CKAP5: variants seen among roughly 807,000 people sequenced by gnomAD.
CKAP5 encodes the protein cytoskeleton associated protein 5.
A neutral mutation model predicts 232.8 loss-of-function variants in CKAP5; 27 were observed. The ratio of observed to expected loss-of-function variants is 0.12; its 90% confidence interval spans 0.09 to 0.16. The LOEUF (loss-of-function observed/expected upper bound fraction) is 0.16. Among genes scored for constraint, CKAP5 ranks in the 10% least tolerant of loss-of-function variants. CKAP5 has a pLI of 1.00. For missense variants in CKAP5, 1,838 were observed against 2,424.7 expected, an observed-to-expected ratio of 0.76 and a Z score of 5.08; for synonymous variants, 785 against 841.1, an observed-to-expected ratio of 0.93 and a Z score of 1.16.
Position 46,757,887 on chromosome 11 carries a change from A to ATT in CKAP5, c.4689+1034_4689+1035dup, listed in dbSNP as rs947880979. Among the ~76,000 whole-genome samples, 100 of 108,152 alleles carry ATT rather than the reference A, an allele frequency of 9.2e-4. 2 individuals carry two copies. Among genetic ancestry groups the ATT allele is most frequent in the East Asian group, 8.7e-3 (35 of 4,006 alleles). 71.0% of individuals were successfully genotyped at this position (108,152 alleles called of 152,430 possible). On this transcript the variant is annotated intron_variant, in intron 35 of 43. Coordinates refer to ENST00000529230, the MANE Select transcript of CKAP5 (RefSeq NM_001008938.4). ...AGGTGTGAGCCACCACACCTGGCCT[A>ATT]TTTTTTTTTTTTTTTTTTGAGACAT... is the stretch of plus-strand genomic sequence containing the variant.
chr11:46,842,819 T>G (rs1448379665), intron 1 of CKAP5, among the ~76,000 whole-genome samples: 2 of 151,248 alleles, frequency 1.3e-5, no homozygotes, highest in African/African-American at 4.9e-5. Flanking sequence ...TACAGAAAAT[T>G]AGCCGGGCTT....
Position 46,753,410 on chromosome 11 carries a change from A to C in CKAP5, c.4957T>G (p.Ser1653Ala). The change falls in exon 37 of 44, where the codon TCT (serine) becomes GCT (alanine). Residue 1653 changes from serine (S) to alanine (A), a missense_variant. By Grantham distance (99) the Ser-to-Ala change is moderately conservative. Around this residue, in one of 6 missense-constraint regions of CKAP5, gnomAD observed 579 missense variants for 843.2 expected, o/e 0.69. Coordinates refer to ENST00000529230, the MANE Select transcript of CKAP5 (RefSeq NM_001008938.4). ...CCTTCCTCAAGATCTTCAATCCGAG[A>C]ATCCAGCATTAAGGTGATGAGGCCA... ...MHGLITLMLDSRIEDLEEGQQ... is the reference protein window; with the variant it reads ...MHGLITLMLDARIEDLEEGQQ... The C allele has an allele frequency of 6.2e-7, 1 of 1,613,986 alleles. No homozygotes were observed. Among genetic ancestry groups the C allele is most frequent in the Non-Finnish European group, 8.5e-7 (1 of 1,179,980 alleles).
At chr11:46,793,194 T>C (rs750560492) in intron 13 of CKAP5, among the ~76,000 whole-genome samples, 1 of 152,214 alleles carries the variant, frequency 6.6e-6, no homozygotes, top group Non-Finnish European at 1.5e-5. Flanking sequence ...TTTCATTTTT[T>C]GGAAAAACAA....
chr11:46,828,007 G>A (rs1200576928), intron 1 of CKAP5, among the ~76,000 whole-genome samples: 2 of 152,130 alleles, frequency 1.3e-5, no homozygotes, highest in Admixed American at 1.3e-4. Context: ...TAATTTAGAT[G>A]AATCAACACA....
At chr11:46,843,268 C>T (rs1185607811) in intron 1 of CKAP5, among the ~76,000 whole-genome samples, 1 of 152,100 alleles carries the variant, frequency 6.6e-6, no homozygotes, top group Admixed American at 6.6e-5. Flanking sequence ...GGCAAATGGG[C>T]AAGGGTCTCT....
intron 1 of CKAP5, among the ~76,000 whole-genome samples, chr11:46,842,246 A>T (rs1940072093): frequency 6.6e-6 from 1 of 152,216 alleles, no homozygotes; most frequent in South Asian, 2.1e-4. Context: ...AAAATCAAAG[A>T]ACTATTGAAA....
intron 15 of CKAP5, among the ~76,000 whole-genome samples, chr11:46,789,328 TG>T: frequency 6.6e-6 from 1 of 152,330 alleles, no homozygotes; most frequent in Middle Eastern, 3.4e-3. Context: ...TGAACTGCCA[TG>T]CTCCTTTACA....
intron 9 of CKAP5, among the ~76,000 whole-genome samples, chr11:46,798,444 G>A (rs1023224802): frequency 6.6e-6 from 1 of 151,992 alleles, no homozygotes; most frequent in Non-Finnish European, 1.5e-5. Context: ...GCCAGGTGTG[G>A]TGGTATGTGC....
At chr11:46,770,708 C>T (rs1565726752) in intron 25 of CKAP5, 80 bp downstream of exon 25, 11 of 1,321,822 alleles carry the variant, frequency 8.3e-6, no homozygotes, top group South Asian at 5.4e-5. Context: ...GGATTACAGG[C>T]GTGAGCCACC....
intron 16 of CKAP5, among the ~76,000 whole-genome samples, chr11:46,786,880 A>T (rs2065399061): frequency 6.6e-6 from 1 of 152,204 alleles, no homozygotes; most frequent in African/African-American, 2.4e-5. Flanking sequence ...CATTGGTTCA[A>T]GGCATTTAAG....
intron 1 of CKAP5, among the ~76,000 whole-genome samples, chr11:46,841,163 G>A (rs1339942279): frequency 1.3e-5 from 2 of 152,010 alleles, no homozygotes; most frequent in African/African-American, 2.4e-5. Flanking sequence ...CCAGCTACTC[G>A]GGAGGCTGAG....
chr11:46,766,281 T>A (rs539498500), intron 27 of CKAP5, among the ~76,000 whole-genome samples: 11 of 152,238 alleles, frequency 7.2e-5, no homozygotes, highest in African/African-American at 2.6e-4. Flanking sequence ...TTAAAAAGAT[T>A]GGGAAAAAAA....
intron 1 of CKAP5, among the ~76,000 whole-genome samples, chr11:46,840,113 G>A (rs957363633): frequency 6.6e-6 from 1 of 152,048 alleles, no homozygotes; most frequent in African/African-American, 2.4e-5. Flanking sequence ...GCGACAGAGT[G>A]AGATCCTGTC....
At chr11:46,745,094 G>A (rs1466760781) in intron 42 of CKAP5, among the ~76,000 whole-genome samples, 1 of 152,194 alleles carries the variant, frequency 6.6e-6, no homozygotes, top group Non-Finnish European at 1.5e-5. Flanking sequence ...TGGAGTGTCT[G>A]TAACCCTACC....
rs138784594 is a variant in CKAP5, at chr11:46,796,866, G to T, written c.1413C>A (p.Gly471=). Residue 471 remains glycine, a synonymous_variant, in exon 12 of 44, where the codon GGC becomes GGA. Coordinates refer to ENST00000529230, the MANE Select transcript of CKAP5 (RefSeq NM_001008938.4). ...EALGTALKVV[G]EKAVNPFLAD... is the part of the protein sequence containing the mutation. ...CTAGGAATGGGTTTACTGCTTTCTC[G>T]CCAACCACCTTCAAAGCAGTACCCA... 1.2e-6 allele frequency: 2 copies of T among 1,613,834 alleles called. No homozygotes were observed. The highest frequency in any genetic ancestry group is 1.1e-5 in the South Asian group (1 of 91,068).
chr11:46,812,527 T>G (rs1939300843), intron 4 of CKAP5, among the ~76,000 whole-genome samples: 2 of 152,106 alleles, frequency 1.3e-5, no homozygotes. Context: ...AGGACCCAAA[T>G]TATTATTTAT....
chr11:46,824,086 C>A (rs1939601380), intron 1 of CKAP5, among the ~76,000 whole-genome samples: 1 of 152,106 alleles, frequency 6.6e-6, no homozygotes, highest in African/African-American at 2.4e-5. Flanking sequence ...ATTAAGTAAC[C>A]TGCCAAAACA....
chr11:46,753,485 C>CT lies in CKAP5; in HGVS notation c.4881dup (p.Glu1628ArgfsTer29), dbSNP rs1345972190. Reference sequence around the variant, plus strand: ...GTGGAGGCCTCCCGGGCAAGGCTCTCTATCTGAAACAGCTATCCAGACATA... The same window carrying CT: ...GTGGAGGCCTCCCGGGCAAGGCTCTCTTATCTGAAACAGCTATCCAGACATA... On this transcript the variant is annotated frameshift_variant, in exon 37 of 44. Transcript: ENST00000529230. LOFTEE classifies it high-confidence loss of function. 1 of 1,610,114 alleles carries CT rather than the reference C, an allele frequency of 6.2e-7. No individual in the cohort carries two copies. Among genetic ancestry groups the CT allele is most frequent in the South Asian group, 1.1e-5 (1 of 90,744 alleles).
chr11:46,840,598 TA>T (rs1468648100), intron 1 of CKAP5, among the ~76,000 whole-genome samples: 9 of 152,134 alleles, frequency 5.9e-5, no homozygotes, highest in Admixed American at 2.6e-4. Flanking sequence ...TTATTGCAAT[TA>T]AAACTTTGCT....
Sources: gnomAD v4.1 joint callset for allele counts (sites outside exome capture counted in the v4.1 genomes callset) on GRCh38, gnomAD v4.1.1 for gene constraint, gnomAD v4.1.1 regional missense constraint, MANE v1.5 for transcripts, NCBI Gene and HGNC (gene_info 2026-07-23, HGNC 2026-07-21) for gene names.